Variants in URB1 observed in about 807,000 individuals in gnomAD.
The protein encoded by URB1 is URB1 ribosome biogenesis factor, also known as nucleolar pre-ribosomal-associated protein 1.
Under a neutral mutation model 242.3 loss-of-function variants are expected in URB1, and 197 were observed. That is an observed-to-expected ratio of 0.81 (90% confidence interval 0.72 to 0.91). URB1 has a LOEUF of 0.91. URB1 is among the 40% of genes least tolerant of loss of function. The pLI is 0.00. For missense variants in URB1, 2,721 were observed against 2,860.5 expected (o/e 0.95, Z 1.11); for synonymous variants, 1,153 against 1,201.8 (o/e 0.96, Z 0.84).
chr21:32,340,192 G>A (rs1182633124), intron 25 of URB1, among the ~76,000 whole-genome samples: 2 of 152,184 alleles, frequency 1.3e-5, no homozygotes, highest in South Asian at 2.1e-4. Context: ...TCAAGTTCAT[G>A]GGATGGTCAG....
chr21:32,369,490 G>A (rs933879084), intron 8 of URB1, among the ~76,000 whole-genome samples: 7 of 151,660 alleles, frequency 4.6e-5, no homozygotes, highest in Non-Finnish European at 8.8e-5. Context: ...TCAGAGACAG[G>A]GTCTTGCTCT....
chr21:32,336,964 G>T (rs945050186), intron 28 of URB1, 130 bp downstream of exon 28: 1 of 887,242 alleles, frequency 1.1e-6, no homozygotes, highest in Non-Finnish European at 1.8e-6. Flanking sequence ...GTGAGTCAGG[G>T]GAGTGCTGCC....
At chr21:32,359,019 T>G (rs1007034069) in intron 14 of URB1, among the ~76,000 whole-genome samples, 2 of 152,140 alleles carry the variant, frequency 1.3e-5, no homozygotes, top group African/African-American at 4.8e-5. Flanking sequence ...CAGGGAAGCC[T>G]CAGAACGGGG....
chr21:32,327,254 C>T (rs192205480), intron 30 of URB1, among the ~76,000 whole-genome samples: 2 of 152,172 alleles, frequency 1.3e-5, no homozygotes, highest in Admixed American at 6.5e-5. Context: ...ACATGACATA[C>T]AGAAGAATGA....
intron 10 of URB1, among the ~76,000 whole-genome samples, chr21:32,366,170 GC>G (rs112424057): frequency 0.025 from 3,831 of 152,260 alleles, 153 homozygotes; most frequent in African/African-American, 0.087. Context: ...GTATATGTTT[GC>G]CAGGCATCTT....
chr21:32,334,862 G>A (rs1033522161), intron 28 of URB1, among the ~76,000 whole-genome samples: 2 of 152,060 alleles, frequency 1.3e-5, no homozygotes, highest in African/African-American at 2.4e-5. Flanking sequence ...CAAGCCTTTC[G>A]GCTAAGCCCA....
At chr21:32,388,821 GA>G (rs1428934569) in intron 1 of URB1, among the ~76,000 whole-genome samples, 1 of 152,216 alleles carries the variant, frequency 6.6e-6, no homozygotes, top group Admixed American at 6.5e-5. Flanking sequence ...TTACAGGGTG[GA>G]AACTGCTGGC....
Position 32,383,404 on chromosome 21 carries a change from A to T in URB1, c.567+18T>A. 1 of 1,547,318 alleles carries T rather than the reference A, an allele frequency of 6.5e-7. No individual in the cohort carries two copies. Among genetic ancestry groups the T allele is most frequent in the South Asian group, 1.2e-5 (1 of 83,538 alleles). On this transcript the variant is annotated intron_variant, in intron 4 of 38. Transcript: ENST00000382751. The stretch of plus-strand genomic sequence containing the variant: ...GAAGGAGACCCATGGAAGGCACGAG[A>T]CACTGTGGTCCCCTCACCTTTGAAT...
Position 32,357,549 on chromosome 21 carries a change from A to C in URB1, c.1977T>G (p.Leu659=). The C allele has an allele frequency of 6.6e-7, 1 of 1,521,118 alleles. No homozygotes were observed. The highest frequency in any genetic ancestry group is 8.8e-7 in the Non-Finnish European group (1 of 1,137,058). The allele number at this position is 1,521,118 out of a possible 1,614,324, so 94.2% of individuals were successfully genotyped here. ...AGAAAATGCTCACCTTCATGATCAG[A>C]AGTTTGGTCAATGACTTCAGTTGTA... is the stretch of plus-strand genomic sequence containing the variant. ...SHLQLKSLTK[L]LIMKILRDTG... The change falls in exon 15 of 39, where the codon CTT becomes CTG. Residue 659 remains leucine, a synonymous_variant. Coordinates refer to ENST00000382751, the MANE Select transcript of URB1 (RefSeq NM_014825.3).
intron 12 of URB1, 36 bp from the exon 13 acceptor site, chr21:32,361,159 A>AAAG (rs2033280195): frequency 1.1e-5 from 3 of 270,202 alleles, no homozygotes; most frequent in African/African-American, 5.7e-5. Context: ...AAAAAGAGAA[A>AAAG]AAAGAAAGAA....
Position 32,359,860 on chromosome 21 carries a change from T to C in URB1, c.1805A>G (p.Gln602Arg), listed in dbSNP as rs1356798917. The C allele has an allele frequency of 6.5e-7, 1 of 1,548,584 alleles. No homozygotes were observed. The highest frequency in any genetic ancestry group is 8.7e-7 in the Non-Finnish European group (1 of 1,145,818). ...GLREEVPPIL[Q>R]HHMLKVALEL... is the part of the protein sequence containing the mutation. ...CAGGGCCACCTTCAGCATGTGGTGC[T>C]GCAGAATGGGAGGCACCTCCTCTCG... Residue 602 changes from glutamine (Q) to arginine (R), a missense_variant, in exon 14 of 39, where the codon CAG (glutamine) becomes CGG (arginine). By Grantham distance (43) the Gln-to-Arg change is conservative. Coordinates refer to ENST00000382751, the MANE Select transcript of URB1 (RefSeq NM_014825.3).
chr21:32,352,711 C>G lies in URB1; in HGVS notation c.2612G>C (p.Trp871Ser), dbSNP rs1375730373. Reference sequence around the variant, plus strand: ...ACCACAGCTGTGGCTGCAGCTCACCCAGGCCTCTCGGGCTTGCTCCGGGAT... The same window carrying G: ...ACCACAGCTGTGGCTGCAGCTCACCGAGGCCTCTCGGGCTTGCTCCGGGAT... ...LWIPEQAREA[W>S]LLQAQGSPSP... The change falls in exon 19 of 39, where the codon TGG (tryptophan) becomes TCG (serine). Residue 871 changes from tryptophan to serine, a missense_variant and splice_region_variant. Physicochemically the swap from Trp to Ser is radical, Grantham distance 177 (BLOSUM62 -3). Coordinates refer to ENST00000382751, the MANE Select transcript of URB1 (RefSeq NM_014825.3). 3 of 1,550,964 alleles carry G rather than the reference C, an allele frequency of 1.9e-6. No individual in the cohort carries two copies. The Admixed American group carries it at 5.9e-5, about 30-fold the overall frequency.
Position 32,347,176 on chromosome 21 carries a change from A to G in URB1, c.3648T>C (p.Ala1216=). The change falls in exon 22 of 39, where the codon GCT becomes GCC. Residue 1216 remains alanine (A), a synonymous_variant. Transcript: ENST00000382751. The part of the protein sequence containing the change: ...RDPVLAPAVG[A]DLLDYCLARR... ...GGGCCAGGCAGTAGTCAAGCAGATC[A>G]GCCCCGACTGCGGGGGCCAGCACAG... 6.5e-7 allele frequency: 1 copy of G among 1,549,504 alleles called. No homozygotes were observed. The highest frequency in any genetic ancestry group is 1.2e-5 in the South Asian group (1 of 84,022).
intron 1 of URB1, among the ~76,000 whole-genome samples, chr21:32,387,600 C>CAAAAAAAAAA (rs764839350): frequency 8.0e-6 from 1 of 124,798 alleles, no homozygotes; most frequent in Non-Finnish European, 1.6e-5. Context: ...TCACCTTATT[C>CAAAAAAAAAA]AAAAAAAAAA....
chr21:32,366,441 C>T (rs1473441091), intron 10 of URB1, among the ~76,000 whole-genome samples, 177 bp downstream of exon 10: 1 of 152,196 alleles, frequency 6.6e-6, no homozygotes, highest in Non-Finnish European at 1.5e-5. Flanking sequence ...TACCCAGGTG[C>T]GTGGACCTGT....
In URB1 at chr21:32,316,795, C is replaced by A; in HGVS notation, c.6305G>T (p.Ser2102Ile). 1 of 1,548,034 alleles carries A rather than the reference C, an allele frequency of 6.5e-7. No individual in the cohort carries two copies. Among genetic ancestry groups the A allele is most frequent in the Non-Finnish European group, 8.7e-7 (1 of 1,144,576 alleles). Reference protein sequence around the residue: ...PVYAAASLAVSWVLRSVAEHP... With the variant: ...PVYAAASLAVIWVLRSVAEHP... Reference sequence around the variant, plus strand: ...CTCGGCCACCGACCGCAGCACCCAACTGACTGCCAGGGAAGCGGCAGCATA... The same window carrying A: ...CTCGGCCACCGACCGCAGCACCCAAATGACTGCCAGGGAAGCGGCAGCATA... Residue 2102 changes from serine to isoleucine, a missense_variant, in exon 38 of 39, where the codon AGT (serine) becomes ATT (isoleucine). Ser to Ile is a moderately radical substitution (Grantham distance 142). Transcript: ENST00000382751.
At chr21:32,341,046 G>A (rs1036406648) in intron 25 of URB1, among the ~76,000 whole-genome samples, 2 of 151,526 alleles carry the variant, frequency 1.3e-5, no homozygotes, top group Non-Finnish European at 2.9e-5. Context: ...TGTTAAACAC[G>A]CTAAATAATA....
In URB1 at chr21:32,347,658, G is replaced by A. The variant is rs2033108011; in HGVS notation, c.3166C>T (p.Leu1056=). The A allele has an allele frequency of 6.4e-7, 1 of 1,551,508 alleles. No individual in the cohort carries two copies. Residue 1056 remains leucine (L), a synonymous_variant, in exon 22 of 39, where the codon CTG becomes TTG. Transcript: ENST00000382751. The part of the protein sequence containing the change: ...THFSAGVLQL[L]AASAPILQNI... Reference sequence around the variant, plus strand: ...TGGAGGATCGGGGCACTTGCTGCCAGCAGCTGAAGGACCCCTGCACTAAAG... The same window carrying A: ...TGGAGGATCGGGGCACTTGCTGCCAACAGCTGAAGGACCCCTGCACTAAAG...
intron 24 of URB1, among the ~76,000 whole-genome samples, chr21:32,342,307 T>A (rs2033039370): frequency 6.6e-6 from 1 of 152,150 alleles, no homozygotes; most frequent in South Asian, 2.1e-4. Context: ...AACTGGATGA[T>A]CAATGCTGGC....
Sources: allele counts gnomAD v4.1 joint callset (sites outside exome capture counted in the v4.1 genomes callset), GRCh38; gene constraint gnomAD v4.1.1; transcripts MANE v1.5; gene names NCBI Gene and HGNC (gene_info 2026-07-23, HGNC 2026-07-21).